The following EXOC6B variants were observed in gnomAD, a reference collection of about 807,000 sequenced individuals.
EXOC6B encodes SEC15 homolog B.
EXOC6B carries 54 observed loss-of-function variants against 113.5 expected under a neutral mutation model. That is an observed-to-expected ratio of 0.48 (90% confidence interval 0.38 to 0.60). The LOEUF is 0.60. EXOC6B is among the 20% of genes least tolerant of loss of function. The pLI is 0.00. For missense variants in EXOC6B, 797 were observed against 977.5 expected (o/e 0.82, Z 2.46); for synonymous variants, 357 against 339.0 (o/e 1.05, Z -0.58).
At chr2:72,515,652 T>G in intron 8 of EXOC6B, 1 of 989,266 alleles carries the variant, frequency 1.0e-6, no homozygotes, top group Non-Finnish European at 1.2e-6. Context: ...AGCATGAAGA[T>G]TCCTGGTGCA....
chr2:72,746,252 T>G (rs745565822), intron 1 of EXOC6B, among the ~76,000 whole-genome samples: 3 of 152,028 alleles, frequency 2.0e-5, no homozygotes, highest in Non-Finnish European at 4.4e-5. Context: ...TTTGTGATAA[T>G]CTCAATAATA....
At chr2:72,423,338 C>T (rs1283707217) in intron 18 of EXOC6B, among the ~76,000 whole-genome samples, 3 of 152,078 alleles carry the variant, frequency 2.0e-5, no homozygotes, top group Admixed American at 1.3e-4. Context: ...CGCGAGGGTC[C>T]GTGGCTTCAT....
chr2:72,591,684 T>C (rs1705974522), intron 6 of EXOC6B, among the ~76,000 whole-genome samples: 1 of 152,182 alleles, frequency 6.6e-6, no homozygotes, highest in Admixed American at 6.5e-5. Context: ...TATTAAAGGT[T>C]CCTATACATC....
At chr2:72,695,459 T>C (rs1336821608) in intron 6 of EXOC6B, among the ~76,000 whole-genome samples, 1 of 152,186 alleles carries the variant, frequency 6.6e-6, no homozygotes. Flanking sequence ...GTTAAAAATA[T>C]ATGAAAGTAT....
At chr2:72,359,940 T>G (rs1558590162) in intron 19 of EXOC6B, among the ~76,000 whole-genome samples, 1 of 152,136 alleles carries the variant, frequency 6.6e-6, no homozygotes, top group Non-Finnish European at 1.5e-5. Flanking sequence ...TCTTGCCATG[T>G]GACATGCTGG....
At chr2:72,813,750 T>C (rs989183157) in intron 1 of EXOC6B, among the ~76,000 whole-genome samples, 38 of 152,208 alleles carry the variant, frequency 2.5e-4, no homozygotes, top group African/African-American at 8.4e-4. Flanking sequence ...TAAGACCACA[T>C]TTCATATCAA....
At chr2:72,326,870 C>T (rs539138690) in intron 20 of EXOC6B, among the ~76,000 whole-genome samples, 1 of 152,098 alleles carries the variant, frequency 6.6e-6, no homozygotes, top group East Asian at 1.9e-4. Flanking sequence ...AAGGATGAAG[C>T]GGAAAGTGCT....
At chr2:72,705,191 T>C (rs1207106199) in intron 6 of EXOC6B, among the ~76,000 whole-genome samples, 1 of 152,090 alleles carries the variant, frequency 6.6e-6, no homozygotes, top group Non-Finnish European at 1.5e-5. Flanking sequence ...AATCAATAAA[T>C]GTAATCCAGC....
chr2:72,358,363 G>T (rs1326752251), intron 19 of EXOC6B, among the ~76,000 whole-genome samples: 1 of 151,992 alleles, frequency 6.6e-6, no homozygotes, highest in African/African-American at 2.4e-5. Flanking sequence ...GGAGCCCAAA[G>T]CCCAAGCAAG....
chr2:72,434,714 TG>T (rs1414214072), intron 18 of EXOC6B, among the ~76,000 whole-genome samples: 1 of 152,248 alleles, frequency 6.6e-6, no homozygotes, highest in Non-Finnish European at 1.5e-5. Context: ...TAGTATTCCC[TG>T]ATGGTAGTTT....
At chr2:72,621,894 A>G (rs2104192543) in intron 6 of EXOC6B, among the ~76,000 whole-genome samples, 1 of 152,286 alleles carries the variant, frequency 6.6e-6, no homozygotes, top group East Asian at 1.9e-4. Context: ...GTGGACCAAT[A>G]AACACTAGGA....
chr2:72,780,749 T>C (rs892537526), intron 1 of EXOC6B, among the ~76,000 whole-genome samples: 1 of 152,158 alleles, frequency 6.6e-6, no homozygotes, highest in Non-Finnish European at 1.5e-5. Flanking sequence ...TTGCTTTATC[T>C]AAAAAAGAGG....
intron 18 of EXOC6B, among the ~76,000 whole-genome samples, chr2:72,420,785 A>C (rs1297627992): frequency 6.6e-6 from 1 of 152,156 alleles, no homozygotes; most frequent in East Asian, 1.9e-4. Context: ...TGGTATTTCT[A>C]GTTCTAGATC....
chr2:72,789,619 A>G (rs1417836678), intron 1 of EXOC6B, among the ~76,000 whole-genome samples: 2 of 152,240 alleles, frequency 1.3e-5, no homozygotes, highest in Non-Finnish European at 2.9e-5. Flanking sequence ...ATGACTCAGA[A>G]GGCAAAATGT....
intron 8 of EXOC6B, among the ~76,000 whole-genome samples, chr2:72,529,751 C>T (rs886135765): frequency 2.0e-5 from 3 of 152,188 alleles, no homozygotes; most frequent in Admixed American, 6.5e-5. Flanking sequence ...TTGTGAGCCA[C>T]TGTGCCCAGT....
chr2:72,691,851 T>C (rs1677507283), intron 6 of EXOC6B, among the ~76,000 whole-genome samples: 1 of 151,818 alleles, frequency 6.6e-6, no homozygotes, highest in Non-Finnish European at 1.5e-5. Flanking sequence ...CTGGATTTTT[T>C]TTTTCTATTT....
intron 20 of EXOC6B, among the ~76,000 whole-genome samples, chr2:72,331,830 T>A (rs118067025): frequency 6.6e-6 from 1 of 152,262 alleles, no homozygotes; most frequent in East Asian, 1.9e-4. Flanking sequence ...TCTCTTTCTC[T>A]TAAGAAGTAG....
chr2:72,703,998 C>T (rs1297385052), intron 6 of EXOC6B, among the ~76,000 whole-genome samples: 1 of 152,004 alleles, frequency 6.6e-6, no homozygotes, highest in African/African-American at 2.4e-5. Context: ...CTACAGAACT[C>T]TCCACCCCAA....
intron 20 of EXOC6B, among the ~76,000 whole-genome samples, chr2:72,200,788 A>G (rs758850458): frequency 1.4e-4 from 22 of 152,346 alleles, no homozygotes; most frequent in Admixed American, 4.6e-4. Context: ...TCAGGTGCCT[A>G]GAGAGGTGAA....
Sources: allele counts gnomAD v4.1 joint callset (sites outside exome capture counted in the v4.1 genomes callset), GRCh38; gene constraint gnomAD v4.1.1; transcripts MANE v1.5; gene names NCBI Gene and HGNC (gene_info 2026-07-23, HGNC 2026-07-21).